The following RAD51B variants were observed in gnomAD, a reference collection of about 807,000 sequenced individuals.
RAD51B encodes the protein RAD51 paralog B.
Under a neutral mutation model 42.2 loss-of-function variants are expected in RAD51B, and 38 were observed. The ratio of observed to expected loss-of-function variants is 0.90; its 90% confidence interval spans 0.70 to 1.18. RAD51B has a LOEUF of 1.18. RAD51B is among the 50% of genes most tolerant of loss of function. The probability of loss-of-function intolerance (pLI) is 0.00; values close to 1 mark genes in which losing one functional copy is unlikely to be tolerated. For missense variants in RAD51B, 373 were observed against 400.7 expected (o/e 0.93, Z 0.59); for synonymous variants, 154 against 145.2 (o/e 1.06, Z -0.43).
intron 7 of RAD51B, among the ~76,000 whole-genome samples, chr14:68,053,619 C>A (rs2076428652): frequency 6.6e-6 from 1 of 152,184 alleles, no homozygotes; most frequent in Admixed American, 6.5e-5. Context: ...TTCTCTCCAG[C>A]TAAGCCTTTA....
intron 7 of RAD51B, among the ~76,000 whole-genome samples, chr14:67,985,292 C>T (rs1177851517): frequency 7.2e-5 from 11 of 152,050 alleles, no homozygotes; most frequent in Admixed American, 7.2e-4. Context: ...GGTTGCAACC[C>T]TTTAAGCTAT....
chr14:67,983,084 C>G (rs901733432), intron 7 of RAD51B, among the ~76,000 whole-genome samples: 1 of 152,000 alleles, frequency 6.6e-6, no homozygotes, highest in Non-Finnish European at 1.5e-5. Context: ...TAGAAACTGT[C>G]TAATACTATT....
At chr14:68,409,773 T>A (rs1206296387) in intron 8 of RAD51B, among the ~76,000 whole-genome samples, 1 of 152,230 alleles carries the variant, frequency 6.6e-6, no homozygotes, top group African/African-American at 2.4e-5. Context: ...ATCTCAGGCA[T>A]GAAGGACTAC....
chr14:68,621,318 C>T (rs1040103691), intron 10 of RAD51B, among the ~76,000 whole-genome samples: 1 of 152,188 alleles, frequency 6.6e-6, no homozygotes, highest in Non-Finnish European at 1.5e-5. Flanking sequence ...CAAGTGATGC[C>T]CAAGGGTGCT....
chr14:67,947,819 A>G (rs1376847230), intron 7 of RAD51B, among the ~76,000 whole-genome samples: 1 of 152,200 alleles, frequency 6.6e-6, no homozygotes, highest in Non-Finnish European at 1.5e-5. Flanking sequence ...TCTGATGTAT[A>G]TATTATAATG....
intron 5 of RAD51B, among the ~76,000 whole-genome samples, chr14:67,872,668 A>C (rs957435843): frequency 1.3e-5 from 2 of 151,988 alleles, no homozygotes; most frequent in Admixed American, 6.6e-5. Context: ...TGGAGGCATC[A>C]CACTACCTGA....
intron 4 of RAD51B, among the ~76,000 whole-genome samples, chr14:67,838,508 C>A (rs192437922): frequency 4.7e-4 from 72 of 152,066 alleles, no homozygotes; most frequent in Non-Finnish European, 7.8e-4. Flanking sequence ...AGTGGCACAA[C>A]CATAGCTCAC....
At chr14:67,883,319 C>A (rs2042971149) in intron 5 of RAD51B, among the ~76,000 whole-genome samples, 1 of 149,994 alleles carries the variant, frequency 6.7e-6, no homozygotes. Flanking sequence ...AAAAAAAATA[C>A]CACTTTAGCA....
chr14:68,349,968 A>C (rs866918235), intron 8 of RAD51B, among the ~76,000 whole-genome samples: 61 of 152,348 alleles, frequency 4.0e-4, no homozygotes, highest in Middle Eastern at 3.4e-3. Context: ...TGTAGTCAGC[A>C]AAAAAAGCAT....
At chr14:68,133,341 G>A (rs1399003991) in intron 7 of RAD51B, among the ~76,000 whole-genome samples, 1 of 152,132 alleles carries the variant, frequency 6.6e-6, no homozygotes, top group African/African-American at 2.4e-5. Context: ...TTGAATTTGA[G>A]GATAGAGGAA....
At chr14:68,621,852 A>G (rs1280291174) in intron 10 of RAD51B, among the ~76,000 whole-genome samples, 1 of 152,258 alleles carries the variant, frequency 6.6e-6, no homozygotes, top group African/African-American at 2.4e-5. Flanking sequence ...GGTTCTGTGC[A>G]CAGTGACAAT....
chr14:68,479,053 G>T (rs932114759), downstream of RAD51B, among the ~76,000 whole-genome samples: 5 of 152,122 alleles, frequency 3.3e-5, no homozygotes, highest in Non-Finnish European at 5.9e-5. Flanking sequence ...GGAAGGTATT[G>T]GTGTGCTGTG....
intron 5 of RAD51B, among the ~76,000 whole-genome samples, chr14:67,882,029 G>T (rs12431490): frequency 0.33 from 49,812 of 152,066 alleles, 8,731 homozygotes; most frequent in Middle Eastern, 0.46. Context: ...CTGGAGTACA[G>T]TGGTGCTATC....
chr14:68,035,281 A>G (rs149567228), intron 7 of RAD51B, among the ~76,000 whole-genome samples: 1 of 152,186 alleles, frequency 6.6e-6, no homozygotes, highest in Non-Finnish European at 1.5e-5. Context: ...TTCAAAAATG[A>G]GTTGTTTGTG....
chr14:68,018,206 A>G (rs945504830), intron 7 of RAD51B, among the ~76,000 whole-genome samples: 6 of 152,196 alleles, frequency 3.9e-5, no homozygotes, highest in Admixed American at 6.5e-5. Context: ...AGACCTTTTC[A>G]AAATACATTT....
In RAD51B at chr14:68,223,256, G is replaced by A. The variant is rs73290216; in HGVS notation, c.757-68628G>A. ...CCTTCTGGTTTAGGATCTCCTCCAA[G>A]ACGGTTTCTGTCTCATTACTTATTA... is the stretch of plus-strand genomic sequence containing the variant. On this transcript the variant is annotated intron_variant, in intron 7 of 10. Coordinates refer to ENST00000471583, the MANE Select transcript of RAD51B (RefSeq NM_133510.4). 7.8e-3 allele frequency among the ~76,000 whole-genome samples: 1,184 copies of A among 152,266 alleles called. 16 individuals carry two copies. Among genetic ancestry groups the A allele is most frequent in the African/African-American group, 0.028 (1,147 of 41,556 alleles).
intron 10 of RAD51B, among the ~76,000 whole-genome samples, chr14:68,471,840 G>A (rs2086136026): frequency 6.6e-6 from 1 of 152,068 alleles, no homozygotes; most frequent in African/African-American, 2.4e-5. Flanking sequence ...TGGGATCCTG[G>A]CCTCTGGATG....
intron 5 of RAD51B, 103 bp downstream of exon 5, chr14:67,865,242 T>A: frequency 4.5e-5 from 12 of 266,470 alleles, no homozygotes; most frequent in Admixed American, 6.6e-5. Flanking sequence ...CCCCCTTGCC[T>A]TTTTTTTTTT....
downstream of RAD51B, among the ~76,000 whole-genome samples, chr14:68,598,699 T>G (rs1437862301): frequency 2.6e-5 from 4 of 152,214 alleles, no homozygotes; most frequent in Admixed American, 6.5e-5. Context: ...CTCCAGTGTG[T>G]TCTGGAAGGT....
Sources: gnomAD v4.1 joint callset for allele counts (sites outside exome capture counted in the v4.1 genomes callset) on GRCh38, gnomAD v4.1.1 for gene constraint, MANE v1.5 for transcripts, NCBI Gene and HGNC (gene_info 2026-07-23, HGNC 2026-07-21) for gene names.